FIRRM: variants seen among roughly 807,000 people sequenced by gnomAD.
FIRRM encodes FIGNL1-interacting regulator of recombination and mitosis.
the FIRRM span, chr1:169,829,521 A>G: frequency 7.2e-7 from 1 of 1,384,530 alleles, no homozygotes; most frequent in East Asian, 2.4e-5. Flanking sequence ...TGTGATTCAT[A>G]TACAGAAGAA....
chr1:169,840,142 C>T, the FIRRM span, among the ~76,000 whole-genome samples: 1 of 152,054 alleles, frequency 6.6e-6, no homozygotes, highest in African/African-American at 2.4e-5. Flanking sequence ...AGTATAGTTT[C>T]AAGTCAAGTC....
At chr1:169,785,202 G>C in the FIRRM span, among the ~76,000 whole-genome samples, 1 of 152,190 alleles carries the variant, frequency 6.6e-6, no homozygotes, top group Admixed American at 6.5e-5. Context: ...CCTCATAGGA[G>C]GGGGAGCACA....
the FIRRM span, chr1:169,832,566 TCCTTTGATAG>T: frequency 2.6e-6 from 3 of 1,169,560 alleles, no homozygotes; most frequent in Non-Finnish European, 3.8e-6. Context: ...GGATTCAGAC[TCCTTTGATAG>T]CCTTTTTTTT....
At chr1:169,815,593 C>T in the FIRRM span, among the ~76,000 whole-genome samples, 163 of 152,250 alleles carry the variant, frequency 1.1e-3, no homozygotes, top group Middle Eastern at 3.4e-3. Context: ...GCAGTGAGGA[C>T]AACCAGAAGT....
the FIRRM span, chr1:169,829,260 C>A: frequency 1.3e-6 from 2 of 1,538,096 alleles, no homozygotes; most frequent in Non-Finnish European, 1.7e-6. Context: ...AATTTCCCTG[C>A]AGGATATCTC....
At chr1:169,798,424 T>C in the FIRRM span, among the ~76,000 whole-genome samples, 2 of 152,018 alleles carry the variant, frequency 1.3e-5, no homozygotes, top group South Asian at 2.1e-4. Flanking sequence ...TGCGCCACCA[T>C]GCCCAGCTAA....
the FIRRM span, chr1:169,853,677 G>A: frequency 6.2e-7 from 1 of 1,600,722 alleles, no homozygotes; most frequent in Non-Finnish European, 8.5e-7. Flanking sequence ...TAAAAAAAGG[G>A]AATCCTTTTT....
At chr1:169,811,402 C>T in the FIRRM span, among the ~76,000 whole-genome samples, 3 of 152,104 alleles carry the variant, frequency 2.0e-5, no homozygotes, top group African/African-American at 7.2e-5. Flanking sequence ...CCTGTAATCT[C>T]AGCACTTTTG....
chr1:169,823,865 T>A, the FIRRM span, among the ~76,000 whole-genome samples: 1 of 152,188 alleles, frequency 6.6e-6, no homozygotes, highest in East Asian at 1.9e-4. Context: ...CTTTCTGTAA[T>A]TCACTTTACA....
At chr1:169,854,015 A>C in the FIRRM span, 1 of 584,902 alleles carries the variant, frequency 1.7e-6, no homozygotes, top group Admixed American at 3.4e-5. Context: ...GATGACACCA[A>C]ATCCTTATTT....
chr1:169,800,310 G>A, the FIRRM span, among the ~76,000 whole-genome samples: 2 of 152,166 alleles, frequency 1.3e-5, no homozygotes, highest in African/African-American at 4.8e-5. Context: ...CACCCAAAGT[G>A]TTGGGATTAC....
the FIRRM span, chr1:169,795,617 C>G: frequency 1.0e-6 from 1 of 997,762 alleles, no homozygotes; most frequent in Non-Finnish European, 1.2e-6. Flanking sequence ...TGAGGTAAAG[C>G]GAGATACTCT....
At chr1:169,842,360 T>C in the FIRRM span, 3 of 1,549,936 alleles carry the variant, frequency 1.9e-6, no homozygotes, top group Admixed American at 6.1e-5. Flanking sequence ...AGTCGGCTCT[T>C]GGTGGTGCTT....
chr1:169,847,800 C>T, the FIRRM span: 1 of 1,561,462 alleles, frequency 6.4e-7, no homozygotes, highest in Non-Finnish European at 8.8e-7. Flanking sequence ...CTGAAGCTAT[C>T]CAGGTAATAT....
chr1:169,796,331 G>T, the FIRRM span, among the ~76,000 whole-genome samples: 1 of 152,236 alleles, frequency 6.6e-6, no homozygotes, highest in Non-Finnish European at 1.5e-5. Context: ...CAGAGACACG[G>T]AACGTGATTC....
At chr1:169,793,068 AC>A in the FIRRM span, 1 of 1,613,864 alleles carries the variant, frequency 6.2e-7, no homozygotes, top group South Asian at 1.1e-5. Context: ...ATTTCTTTGG[AC>A]CCTCCCTTGA....
chr1:169,826,054 T>C, the FIRRM span: 1 of 300,394 alleles, frequency 3.3e-6, no homozygotes, highest in Non-Finnish European at 6.8e-6. Context: ...AATTCAGCAT[T>C]CTGCCTATTT....
At chr1:169,848,835 G>T in the FIRRM span, among the ~76,000 whole-genome samples, 2 of 152,184 alleles carry the variant, frequency 1.3e-5, no homozygotes, top group Admixed American at 1.3e-4. Context: ...TGTATTCCCA[G>T]GAGTGAGGTC....
chr1:169,786,606 T>C, the FIRRM span, among the ~76,000 whole-genome samples: 1 of 152,186 alleles, frequency 6.6e-6, no homozygotes, highest in African/African-American at 2.4e-5. Context: ...ACTTTTTTCA[T>C]GCAATTTAAA....
Sources: gnomAD v4.1 joint callset for allele counts (sites outside exome capture counted in the v4.1 genomes callset) on GRCh38, gnomAD v4.1.1 for gene constraint, MANE v1.5 for transcripts, NCBI Gene and HGNC (gene_info 2026-07-23, HGNC 2026-07-21) for gene names.